The following RAB3GAP2 variants were observed in gnomAD, a reference collection of about 807,000 sequenced individuals.
The protein encoded by RAB3GAP2 is RAB3 GTPase activating non-catalytic protein subunit 2, also known as rab3 GTPase-activating protein non-catalytic subunit.
In RAB3GAP2, 87 loss-of-function variants were observed where a neutral mutation model predicts 185.3. The ratio of observed to expected loss-of-function variants is 0.47; its 90% CI spans 0.39 to 0.56. The LOEUF (loss-of-function observed/expected upper bound fraction) is 0.56. Among genes scored for constraint, RAB3GAP2 ranks in the 20% least tolerant of loss-of-function variants. The probability of loss-of-function intolerance (pLI) is 0.00; values close to 1 mark genes in which losing one functional copy is unlikely to be tolerated. For missense variants in RAB3GAP2, 1,492 were observed against 1,638.2 expected (o/e 0.91, Z 1.54); for synonymous variants, 554 against 576.1 (o/e 0.96, Z 0.55).
rs540068208 is a variant in RAB3GAP2 at position 220,249,323 on chromosome 1, C to T, written c.116-16460G>A. On this transcript the variant is annotated intron_variant, in intron 1 of 34. Transcript: ENST00000358951. ...AATGAAGTCCAAGCTGAGGTGTTCT[C>T]GGAAGGAGATGACAAACTTCTTGGG... Among the ~76,000 whole-genome samples the T allele has an allele frequency of 1.0e-3, 159 of 152,122 alleles. 2 individuals carry two copies. Among genetic ancestry groups the T allele is most frequent in the African/African-American group, 3.6e-3 (149 of 41,500 alleles).
intron 1 of RAB3GAP2, chr1:220,267,292 A>G: frequency 1.1e-6 from 1 of 946,406 alleles, no homozygotes; most frequent in South Asian, 1.3e-5. Flanking sequence ...ATATTCCAGA[A>G]TTAGGTAGAC....
intron 26 of RAB3GAP2, 106 bp from the exon 27 acceptor site, chr1:220,164,905 T>C (rs930645369): frequency 1.7e-5 from 18 of 1,074,012 alleles, no homozygotes; most frequent in Non-Finnish European, 2.3e-5. Context: ...TAAAACCACC[T>C]AAGAATGTTG....
chr1:220,164,466 T>C (rs1270842989), intron 27 of RAB3GAP2, among the ~76,000 whole-genome samples: 1 of 143,906 alleles, frequency 6.9e-6, no homozygotes, highest in Non-Finnish European at 1.5e-5. Flanking sequence ...GTTTTGTTTT[T>C]TGTTTTGTTT....
chr1:220,218,587 C>T (rs1428799584), intron 2 of RAB3GAP2, among the ~76,000 whole-genome samples: 1 of 151,866 alleles, frequency 6.6e-6, no homozygotes, highest in Non-Finnish European at 1.5e-5. Context: ...CAGGGCCTGT[C>T]GTGGGGTGTG....
At position 220,153,407 on chromosome 1, in the gene RAB3GAP2, C is replaced by A; in HGVS notation, c.3646-1G>T. 1 of 1,612,796 alleles carries A rather than the reference C, an allele frequency of 6.2e-7. No homozygotes were observed. The highest frequency in any genetic ancestry group is 8.5e-7 in the Non-Finnish European group (1 of 1,178,828). On this transcript the variant is annotated splice_acceptor_variant, in intron 32 of 34. Coordinates refer to ENST00000358951, the MANE Select transcript of RAB3GAP2 (RefSeq NM_012414.4). LOFTEE classifies it high-confidence loss of function. ...CTGCACTGACAACTTTCAATAAGAACTTGAAAATGGAGAAAGAGATAGAGC... is the reference window on the plus strand; with the variant it reads ...CTGCACTGACAACTTTCAATAAGAAATTGAAAATGGAGAAAGAGATAGAGC...
chr1:220,192,254 G>C (rs1020617871), intron 13 of RAB3GAP2, among the ~76,000 whole-genome samples: 5 of 152,186 alleles, frequency 3.3e-5, no homozygotes, highest in African/African-American at 9.7e-5. Context: ...CAGATACTGA[G>C]ACATGTAGTA....
intron 1 of RAB3GAP2, among the ~76,000 whole-genome samples, chr1:220,252,152 G>GAAAAAAAAAAAAAAAAAAAAAAGAA (rs58516168): frequency 1.0e-5 from 1 of 96,000 alleles, no homozygotes; most frequent in African/African-American, 3.8e-5. Flanking sequence ...CTCAAAAAAA[G>GAAAAAAAAAAAAAAAAAAAAAAGAA]AAAAAAAAAA....
intron 17 of RAB3GAP2, among the ~76,000 whole-genome samples, chr1:220,188,032 A>C (rs1658536964): frequency 6.6e-6 from 1 of 151,812 alleles, no homozygotes; most frequent in Non-Finnish European, 1.5e-5. Flanking sequence ...TGGTGTCAGA[A>C]TCGAACTGAA....
chr1:220,175,475 C>T (rs996936660), intron 21 of RAB3GAP2, among the ~76,000 whole-genome samples: 1 of 151,964 alleles, frequency 6.6e-6, no homozygotes, highest in Non-Finnish European at 1.5e-5. Flanking sequence ...CCTTGGCCTC[C>T]CAAAGTGCTG....
chr1:220,227,285 T>G (rs1367571030), intron 2 of RAB3GAP2, among the ~76,000 whole-genome samples: 2 of 152,174 alleles, frequency 1.3e-5, no homozygotes, highest in Admixed American at 6.5e-5. Flanking sequence ...TAAAATATGC[T>G]TTCTTCACTA....
At chr1:220,262,335 A>C (rs920213728) in intron 1 of RAB3GAP2, among the ~76,000 whole-genome samples, 1 of 152,012 alleles carries the variant, frequency 6.6e-6, no homozygotes, top group Non-Finnish European at 1.5e-5. Context: ...ACAAACAAAA[A>C]AACATAAAAT....
rs868391421 is a variant in RAB3GAP2 at position 220,150,252 on chromosome 1, C to A, written c.*999G>T. On this transcript the variant is annotated 3_prime_UTR_variant, in exon 35 of 35. Coordinates refer to ENST00000358951, the MANE Select transcript of RAB3GAP2 (RefSeq NM_012414.4). ...ATATTTATTTAGCACTTGGACTGCT[C>A]TAGGCACTATAGGGTACAAAATTAG... The A allele has an allele frequency of 8.5e-5, 13 of 152,172 alleles. No homozygotes were observed. Among genetic ancestry groups the A allele is most frequent in the Admixed American group, 1.3e-4 (2 of 15,242 alleles). 9.4% of individuals were successfully genotyped at this position (152,172 alleles called of 1,614,324 possible). A position where few individuals can be genotyped will look rare whatever the true frequency, so the allele number is the denominator to read the frequency against.
At position 220,151,300 on chromosome 1, in the gene RAB3GAP2, G is replaced by T; in HGVS notation, c.4133C>A (p.Ala1378Asp). 6.2e-7 allele frequency: 1 copy of T among 1,614,030 alleles called. No individual in the cohort carries two copies. Among genetic ancestry groups the T allele is most frequent in the Non-Finnish European group, 8.5e-7 (1 of 1,179,974 alleles). The change falls in exon 35 of 35, where the codon GCC becomes GAC. Residue 1378 changes from alanine to aspartate, a missense_variant. Ala to Asp is a moderately radical substitution (Grantham distance 126). Coordinates refer to ENST00000358951, the MANE Select transcript of RAB3GAP2 (RefSeq NM_012414.4). ...TTCCACAGCTTCAATGAGGTGTAAG[G>T]CTAGACCATATTGCCCATGTTTTTC... Reference protein sequence around the residue: ...LPEKHGQYGLALHLIEAVEAI... With the variant: ...LPEKHGQYGLDLHLIEAVEAI...
chr1:220,212,866 C>G, intron 4 of RAB3GAP2, 21 bp downstream of exon 4: 1 of 1,591,454 alleles, frequency 6.3e-7, no homozygotes, highest in Non-Finnish European at 8.6e-7. Flanking sequence ...CACAGAGAAA[C>G]AAAAATTAAC....
At chr1:220,214,945 A>T (rs1659157739) in intron 2 of RAB3GAP2, among the ~76,000 whole-genome samples, 3 of 17,578 alleles carry the variant, frequency 1.7e-4, no homozygotes, top group South Asian at 3.8e-3. Flanking sequence ...GAATAGTAGC[A>T]TTATATATAT....
chr1:220,257,006 C>T (rs1478959041), intron 1 of RAB3GAP2, among the ~76,000 whole-genome samples: 2 of 152,226 alleles, frequency 1.3e-5, no homozygotes, highest in Non-Finnish European at 2.9e-5. Context: ...AAGTAAAACA[C>T]TCCTCAGCAA....
chr1:220,184,638 T>C (rs1658476184), intron 18 of RAB3GAP2, among the ~76,000 whole-genome samples: 1 of 152,120 alleles, frequency 6.6e-6, no homozygotes, highest in Admixed American at 6.5e-5. Context: ...CCACACAAAA[T>C]GATTAAAGTT....
chr1:220,162,492 T>G (rs1488876056), intron 27 of RAB3GAP2, among the ~76,000 whole-genome samples: 2 of 152,174 alleles, frequency 1.3e-5, no homozygotes, highest in Non-Finnish European at 2.9e-5. Flanking sequence ...AAATTGCCAC[T>G]AAGCATGAAG....
intron 1 of RAB3GAP2, among the ~76,000 whole-genome samples, chr1:220,245,853 C>T (rs972833813): frequency 9.2e-5 from 14 of 152,218 alleles, no homozygotes; most frequent in Non-Finnish European, 2.1e-4. Context: ...CAAGTGGGTC[C>T]CTGGCCCCTG....
Sources: gnomAD v4.1 joint callset for allele counts (sites outside exome capture counted in the v4.1 genomes callset) on GRCh38, gnomAD v4.1.1 for gene constraint, MANE v1.5 for transcripts, NCBI Gene and HGNC (gene_info 2026-07-23, HGNC 2026-07-21) for gene names.